PTPRS: variants seen among roughly 807,000 people sequenced by gnomAD.
PTPRS encodes protein tyrosine phosphatase receptor type S.
PTPRS carries 63 observed loss-of-function variants against 215.3 expected under a neutral mutation model. The observed-to-expected ratio is 0.29, with a 90% CI of 0.24 to 0.36. The LOEUF (loss-of-function observed/expected upper bound fraction) is 0.36, where lower values mean the gene tolerates loss of function less well. PTPRS is among the 10% of genes least tolerant of loss of function. PTPRS has a pLI of 1.00. For missense variants in PTPRS, 2,258 were observed against 2,825.8 expected (o/e 0.80, Z 4.56); for synonymous variants, 1,404 against 1,191.4 (o/e 1.18, Z -3.68).
In PTPRS at chr19:5,215,389, G is replaced by A; in HGVS notation, c.4218C>T (p.Phe1406=). Reference sequence around the variant, plus strand: ...CTTCCAGGTTGGAATGTTCCCATGTGAACTGCTGTCCAGGGTCGATGGACT... The same window carrying A: ...CTTCCAGGTTGGAATGTTCCCATGTAAACTGCTGTCCAGGGTCGATGGACT... ...EYESIDPGQQ[F]TWEHSNLEVN... is the part of the protein sequence containing the mutation. Residue 1406 remains phenylalanine (F), a synonymous_variant, in exon 28 of 38, where the codon TTC becomes TTT. Coordinates refer to ENST00000262963, the MANE Select transcript of PTPRS (RefSeq NM_002850.4). 3 of 1,614,016 alleles carry A rather than the reference G, an allele frequency of 1.9e-6. No homozygotes were observed. Among genetic ancestry groups the A allele is most frequent in the Middle Eastern group, 1.6e-4 (1 of 6,062 alleles).
chr19:5,206,249 T>TA lies in PTPRS; in HGVS notation c.*524_*525insT. 2 of 215,336 alleles carry TA rather than the reference T, an allele frequency of 9.3e-6. No homozygotes were observed. Among genetic ancestry groups the TA allele is most frequent in the African/African-American group, 2.4e-5 (1 of 41,104 alleles). 13.3% of individuals were successfully genotyped at this position (215,336 alleles called of 1,614,324 possible). On this transcript the variant is annotated 3_prime_UTR_variant, in exon 38 of 38. Coordinates refer to ENST00000262963, the MANE Select transcript of PTPRS (RefSeq NM_002850.4). ...CTGGCGAGTCTTTTGTTTGTTTCTC[T>TA]TAAAAAAAAAAATGGAAAAAAAAAT...
intron 7 of PTPRS, among the ~76,000 whole-genome samples, chr19:5,258,776 G>A (rs1262380267): frequency 6.6e-6 from 1 of 152,214 alleles, no homozygotes; most frequent in Non-Finnish European, 1.5e-5. Context: ...CGTTGATGCT[G>A]GTGTGTATCA....
At chr19:5,216,946 T>C (rs951008970) in intron 25 of PTPRS, among the ~76,000 whole-genome samples, 179 bp from the exon 26 acceptor site, 2 of 152,198 alleles carry the variant, frequency 1.3e-5, no homozygotes, top group African/African-American at 4.8e-5. Flanking sequence ...GCTAACTGTG[T>C]ACCCCTCTGG....
At chr19:5,239,708 G>C (rs1000402642) in intron 12 of PTPRS, among the ~76,000 whole-genome samples, 1 of 151,412 alleles carries the variant, frequency 6.6e-6, no homozygotes. Flanking sequence ...GACAGAAATA[G>C]AGAGAGAGGA....
intron 2 of PTPRS, chr19:5,277,692 G>A (rs187759571): frequency 1.3e-5 from 7 of 535,104 alleles, no homozygotes; most frequent in African/African-American, 9.9e-5. Context: ...TCCCTTCCTC[G>A]GCGCTGCCTA....
chr19:5,210,529 C>T lies in PTPRS; in HGVS notation c.5427G>A (p.Pro1809=), dbSNP rs115808880. 34 of 1,614,204 alleles carry T rather than the reference C, an allele frequency of 2.1e-5. No homozygotes were observed. Among genetic ancestry groups the T allele is most frequent in the Admixed American group, 1.5e-4 (9 of 60,030 alleles). The change falls in exon 35 of 38, where the codon CCG becomes CCA. Residue 1809 remains proline (P), a synonymous_variant. Coordinates refer to ENST00000262963, the MANE Select transcript of PTPRS (RefSeq NM_002850.4). This position sits in a 1 kb window ranked among gnomAD's most constrained non-coding sequence, Gnocchi z 4.5. ...SARYQYFVVD[P]MAEYNMPQYI... ...ACTGAGGCATGTTGTATTCTGCCAT[C>T]GGATCTACCACAAAGTACTGGTAGC...
intron 7 of PTPRS, 59 bp downstream of exon 7, chr19:5,260,746 G>A (rs2045924224): frequency 6.2e-7 from 1 of 1,603,320 alleles, no homozygotes; most frequent in Non-Finnish European, 8.5e-7. Flanking sequence ...TGGAGCCTGA[G>A]GGGCTGAGTG....
chr19:5,251,546 C>T (rs939006346), intron 9 of PTPRS, among the ~76,000 whole-genome samples: 4 of 151,762 alleles, frequency 2.6e-5, no homozygotes, highest in East Asian at 1.9e-4. Flanking sequence ...CTGTGGCCGC[C>T]GGAGACACGG....
At chr19:5,329,588 ACT>A (rs1009335691) in intron 1 of PTPRS, among the ~76,000 whole-genome samples, 1 of 151,698 alleles carries the variant, frequency 6.6e-6, no homozygotes, top group African/African-American at 2.4e-5. Flanking sequence ...ACACAGTGAA[ACT>A]CTGTCTCTAC....
At chr19:5,315,608 TC>T (rs1335522252) in intron 1 of PTPRS, among the ~76,000 whole-genome samples, 1 of 151,420 alleles carries the variant, frequency 6.6e-6, no homozygotes, top group Non-Finnish European at 1.5e-5. Context: ...CAAGCGATCC[TC>T]CCACCTCAGC....
At chr19:5,251,207 C>T (rs1012115430) in intron 9 of PTPRS, among the ~76,000 whole-genome samples, 7 of 151,990 alleles carry the variant, frequency 4.6e-5, no homozygotes, top group South Asian at 2.1e-4. Context: ...GGGTGGGCAC[C>T]GCCCCTCAGC....
chr19:5,259,354 G>A (rs571988349), intron 7 of PTPRS, among the ~76,000 whole-genome samples: 1 of 152,238 alleles, frequency 6.6e-6, no homozygotes, highest in African/African-American at 2.4e-5. Flanking sequence ...TGAAATCACA[G>A]GCCTTGATCA....
intron 2 of PTPRS, among the ~76,000 whole-genome samples, chr19:5,275,523 A>G (rs1163704216): frequency 7.1e-6 from 1 of 140,978 alleles, no homozygotes; most frequent in African/African-American, 2.6e-5. Context: ...AGTAGCTGGG[A>G]CTACAGGTGA....
rs1169287515 is a variant in PTPRS, at chr19:5,260,180, C to CT, written c.595+624dup. ...CCCACTTTGCATGTTCGTTTTGTTT[C>CT]TTTTTTTTTTTTTTTTTGAGGAGTC... On this transcript the variant is annotated intron_variant, in intron 7 of 37. Transcript: ENST00000262963. 7.5e-3 allele frequency among the ~76,000 whole-genome samples: 1,016 copies of CT among 135,862 alleles called. 6 individuals are homozygous for CT. Among genetic ancestry groups the CT allele is most frequent in the Middle Eastern group, 0.035 (9 of 260 alleles). The allele number at this position is 135,862 out of a possible 152,430, so 89.1% of individuals were successfully genotyped here.
At position 5,231,478 on chromosome 19, in the gene PTPRS, A is replaced by C. The variant is rs147784971; in HGVS notation, c.1987T>G (p.Ser663Ala). The C allele has an allele frequency of 6.2e-7, 1 of 1,612,746 alleles. No homozygotes were observed. The highest frequency in any genetic ancestry group is 1.1e-5 in the South Asian group (1 of 91,060). ...GYSVRYRPLGSEDPEPKEVNG... is the reference protein window; with the variant it reads ...GYSVRYRPLGAEDPEPKEVNG... ...ACCTCCTTGGGTTCCGGGTCCTCTGAGCCCAGCGGTCGGTAGCGGACGCTG... is the reference window on the plus strand; with the variant it reads ...ACCTCCTTGGGTTCCGGGTCCTCTGCGCCCAGCGGTCGGTAGCGGACGCTG... Residue 663 changes from serine (S) to alanine (A), a missense_variant, in exon 14 of 38, where the codon TCA becomes GCA. Physicochemically the swap from Ser to Ala is moderately conservative, Grantham distance 99. Transcript: ENST00000262963.
rs1568540649 is a variant in PTPRS at position 5,274,180 on chromosome 19, TC to T, written c.237+18del. On this transcript the variant is annotated intron_variant, in intron 3 of 37. Coordinates refer to ENST00000262963, the MANE Select transcript of PTPRS (RefSeq NM_002850.4). Reference sequence around the variant, plus strand: ...GGGGGAGCATTGACCCCAGGCTGCCTCCCCCTACCCCAACTCACCTCAAAGC... The same window carrying T: ...GGGGGAGCATTGACCCCAGGCTGCCTCCCCTACCCCAACTCACCTCAAAGC... 1.3e-6 allele frequency: 2 copies of T among 1,596,224 alleles called. No homozygotes were observed. Among genetic ancestry groups the T allele is most frequent in the Non-Finnish European group, 1.7e-6 (2 of 1,166,534 alleles).
At chr19:5,322,886 A>AG (rs2050066626) in intron 1 of PTPRS, among the ~76,000 whole-genome samples, 1 of 132,516 alleles carries the variant, frequency 7.5e-6, no homozygotes, top group Non-Finnish European at 1.5e-5. Context: ...TCTCAAAAAA[A>AG]AAAAAAAAAA....
intron 4 of PTPRS, among the ~76,000 whole-genome samples, chr19:5,271,502 A>T (rs979277084): frequency 1.3e-5 from 2 of 148,338 alleles, no homozygotes; most frequent in Non-Finnish European, 3.0e-5. Context: ...GGTTCAAACG[A>T]TCCTCTCCTG....
intron 2 of PTPRS, among the ~76,000 whole-genome samples, chr19:5,283,650 A>T (rs1359300469): frequency 6.6e-6 from 1 of 152,178 alleles, no homozygotes; most frequent in Non-Finnish European, 1.5e-5. Context: ...TGCAGGTGAG[A>T]CAGGCCAGGA....
Sources: allele counts gnomAD v4.1 joint callset (sites outside exome capture counted in the v4.1 genomes callset), GRCh38; gene constraint gnomAD v4.1.1; non-coding constraint Gnocchi (gnomAD v3.1); transcripts MANE v1.5; gene names NCBI Gene and HGNC (gene_info 2026-07-23, HGNC 2026-07-21).